Variants in ZNF606 observed in about 807,000 individuals in gnomAD.
ZNF606 encodes the protein zinc finger protein 328.
In ZNF606, 37 loss-of-function variants were observed where a neutral mutation model predicts 74.9. The observed-to-expected ratio is 0.49, with a 90% CI of 0.38 to 0.65. The LOEUF (loss-of-function observed/expected upper bound fraction) is 0.65. Ranked by LOEUF, ZNF606 falls within the 30% of genes least tolerant of loss-of-function variation. ZNF606 has a pLI of 0.00. For synonymous variants in ZNF606, 328 were observed against 312.4 expected (o/e 1.05, Z -0.53); for missense variants, 852 against 952.9 (o/e 0.89, Z 1.39).
chr19:57,978,123 G>T lies in ZNF606; in HGVS notation c.*178C>A. The T allele has an allele frequency of 1.7e-6, 1 of 603,698 alleles. No homozygotes were observed. Among genetic ancestry groups the T allele is most frequent in the East Asian group, 3.2e-5 (1 of 31,604 alleles). 37.4% of individuals were successfully genotyped at this position (603,698 alleles called of 1,614,324 possible). On this transcript the variant is annotated 3_prime_UTR_variant, in exon 7 of 7. Coordinates refer to ENST00000551380, the MANE Select transcript of ZNF606 (RefSeq NM_001348022.3). This position sits in a 1 kb window ranked among gnomAD's most constrained non-coding sequence, Gnocchi z 4.4. Reference sequence around the variant, plus strand: ...TTTGAGTAAGGGCTAAATAACTGCTGAAAGCTTTTCCCTATTCTTTTCCTT... The same window carrying T: ...TTTGAGTAAGGGCTAAATAACTGCTTAAAGCTTTTCCCTATTCTTTTCCTT...
At position 57,978,587 on chromosome 19, in the gene ZNF606, T is replaced by A; in HGVS notation, c.2093A>T (p.His698Leu). 1 of 1,614,140 alleles carries A rather than the reference T, an allele frequency of 6.2e-7. No individual in the cohort carries two copies. The highest frequency in any genetic ancestry group is 1.1e-5 in the South Asian group (1 of 91,072). Residue 698 changes from histidine to leucine, a missense_variant, in exon 7 of 7, where the codon CAC becomes CTC. Physicochemically the swap from His to Leu is moderately conservative, Grantham distance 99 (BLOSUM62 -3). This residue lies in a region of ZNF606 where 243 missense variants were observed against 359.2 expected (regional missense o/e 0.68). Coordinates refer to ENST00000551380, the MANE Select transcript of ZNF606 (RefSeq NM_001348022.3). The surrounding 1 kb of genome is among the most constrained non-coding windows in gnomAD (Gnocchi z 4.4). ...TTTCTCTCCAGTATGAGTTCTCCGGTGTGCAATGAGGTGAGAACTACAGTT... is the reference window on the plus strand; with the variant it reads ...TTTCTCTCCAGTATGAGTTCTCCGGAGTGCAATGAGGTGAGAACTACAGTT... ...SFNCSSHLIA[H>L]RRTHTGEKPY...
At chr19:57,991,156 A>G (rs756734835) in intron 4 of ZNF606, among the ~76,000 whole-genome samples, 5 of 151,740 alleles carry the variant, frequency 3.3e-5, no homozygotes, top group Non-Finnish European at 7.4e-5. Context: ...TGCCTTTATT[A>G]TCCGTTTTCC....
At chr19:57,988,764 C>G (rs759733295) in intron 4 of ZNF606, 43 bp from the exon 5 acceptor site, 10 of 1,612,648 alleles carry the variant, frequency 6.2e-6, no homozygotes, top group Non-Finnish European at 8.5e-6. Flanking sequence ...TGACCACCCC[C>G]TCCAATATTT....
At position 57,979,610 on chromosome 19, in the gene ZNF606, G is replaced by A. The variant is rs1337322421; in HGVS notation, c.1070C>T (p.Ser357Leu). The change falls in exon 7 of 7, where the codon TCA becomes TTA. Residue 357 changes from serine to leucine, a missense_variant. Ser to Leu is a moderately radical substitution (Grantham distance 145). Around this residue, in one of 3 missense-constraint regions of ZNF606, gnomAD observed 545 missense variants for 542.5 expected, o/e 1.00. Transcript: ENST00000551380. ...AATTTTTTGATGTTCCATAAAGGATGAGAAATAAAAGATATTCTCATATTC... is the reference window on the plus strand; with the variant it reads ...AATTTTTTGATGTTCCATAAAGGATAAGAAATAAAAGATATTCTCATATTC... ...YKEYENIFYF[S>L]SFMEHQKIGT... 8 of 1,613,334 alleles carry A rather than the reference G, an allele frequency of 5.0e-6. No individual in the cohort carries two copies. Among genetic ancestry groups the A allele is most frequent in the Non-Finnish European group, 6.8e-6 (8 of 1,179,934 alleles).
chr19:57,992,717 C>A (rs79254378), intron 4 of ZNF606, among the ~76,000 whole-genome samples: 6,407 of 152,304 alleles, frequency 0.042, 193 homozygotes, highest in Non-Finnish European at 0.065. Context: ...CTCTTAGATA[C>A]ACAGAAACAC....
chr19:58,000,899 C>T (rs1485033135), intron 2 of ZNF606, among the ~76,000 whole-genome samples, 160 bp from the exon 3 acceptor site: 1 of 152,172 alleles, frequency 6.6e-6, no homozygotes, highest in Admixed American at 6.5e-5. Context: ...TTCACACAGG[C>T]AATGCACAGG....
chr19:57,981,883 G>A (rs1463052044), intron 6 of ZNF606, among the ~76,000 whole-genome samples: 5 of 152,304 alleles, frequency 3.3e-5, no homozygotes, highest in East Asian at 3.9e-4. Context: ...GTGAACAATG[G>A]CCCTGCTGCT....
Sources: allele counts gnomAD v4.1 joint callset (sites outside exome capture counted in the v4.1 genomes callset), GRCh38; gene constraint gnomAD v4.1.1; regional missense constraint gnomAD v4.1.1; non-coding constraint Gnocchi (gnomAD v3.1); transcripts MANE v1.5; gene names NCBI Gene and HGNC (gene_info 2026-07-23, HGNC 2026-07-21).